Variants in JAG2 observed in about 807,000 individuals in gnomAD.
JAG2 encodes protein jagged-2.
JAG2 carries 46 observed loss-of-function variants against 141.7 expected under a neutral mutation model. The ratio of observed to expected loss-of-function variants is 0.32; its 90% CI spans 0.26 to 0.42. The LOEUF (loss-of-function observed/expected upper bound fraction) is 0.42. JAG2 is among the 10% of genes least tolerant of loss of function. The pLI is 1.00. For synonymous variants in JAG2, 862 were observed against 763.5 expected, an observed-to-expected ratio of 1.13 and a Z score of -2.13; for missense variants, 1,500 against 1,817.5, an observed-to-expected ratio of 0.83 and a Z score of 3.18.
At chr14:105,145,143 C>T (rs1461620507) in intron 23 of JAG2, 82 bp from the exon 24 acceptor site, 11 of 1,559,036 alleles carry the variant, frequency 7.1e-6, no homozygotes, top group African/African-American at 2.7e-5. Context: ...TGTGGGTACA[C>T]GTGGGACACA....
rs764978420 is a variant in JAG2 at position 105,147,366 on chromosome 14, G to A, written c.2439C>T (p.Cys813=). 8.2e-6 allele frequency: 13 copies of A among 1,586,752 alleles called. No individual in the cohort carries two copies. Among genetic ancestry groups the A allele is most frequent in the African/African-American group, 2.7e-5 (2 of 74,358 alleles). Reference sequence around the variant, plus strand: ...GCCCCGCGAAGCCAGGTGCACACTCGCAGCGGAACCAGTTGACGCCGTCAA... The same window carrying A: ...GCCCCGCGAAGCCAGGTGCACACTCACAGCGGAACCAGTTGACGCCGTCAA... ...ICVDGVNWFR[C]ECAPGFAGPD... Residue 813 remains cysteine, a synonymous_variant, in exon 20 of 26, where the codon TGC becomes TGT. Coordinates refer to ENST00000331782, the MANE Select transcript of JAG2 (RefSeq NM_002226.5).
chr14:105,151,213 C>CAGCCCCCGCAGCCCCA (rs1555370222), intron 9 of JAG2, 70 bp downstream of exon 9: 273 of 1,372,630 alleles, frequency 2.0e-4, no homozygotes, highest in Admixed American at 7.8e-4. Flanking sequence ...CAGCAGCCCC[C>CAGCCCCCGCAGCCCCA]GCAGCCCCAG....
chr14:105,153,516 G>A (rs1474231143), intron 5 of JAG2, among the ~76,000 whole-genome samples: 1 of 152,216 alleles, frequency 6.6e-6, no homozygotes, highest in African/African-American at 2.4e-5. Context: ...GGGCAGGGCA[G>A]CCCACACCAG....
At position 105,167,191 on chromosome 14, in the gene JAG2, G is replaced by A. The variant is rs888309111; in HGVS notation, c.417+566C>T. 2.6e-5 allele frequency among the ~76,000 whole-genome samples: 4 copies of A among 152,344 alleles called. No homozygotes were observed. The highest frequency in any genetic ancestry group is 1.3e-4 in the Admixed American group (2 of 15,310). On this transcript the variant is annotated intron_variant, in intron 2 of 25. Coordinates refer to ENST00000331782, the MANE Select transcript of JAG2 (RefSeq NM_002226.5). This position sits in a 1 kb window ranked among gnomAD's most constrained non-coding sequence, Gnocchi z 4.8. ...AGTGCCACAGAAGGTCACTGCACCA[G>A]GATCCACTATCTCTGTCTCTGAACG...
intron 5 of JAG2, 98 bp downstream of exon 5, chr14:105,155,464 G>T: frequency 7.1e-7 from 1 of 1,405,762 alleles, no homozygotes; most frequent in Non-Finnish European, 1.0e-6. Context: ...CCAACCTCCA[G>T]CCAGCTCCGG....
intron 24 of JAG2, 36 bp downstream of exon 24, chr14:105,144,894 G>C: frequency 6.3e-7 from 1 of 1,591,410 alleles, no homozygotes; most frequent in Non-Finnish European, 8.5e-7. Context: ...CGGGACCCAG[G>C]GCCCACCCAG....
In JAG2 at chr14:105,146,485, C is replaced by A. The variant is rs143711692; in HGVS notation, c.2609G>T (p.Arg870Ile). 5 of 1,612,622 alleles carry A rather than the reference C, an allele frequency of 3.1e-6. No homozygotes were observed. The highest frequency in any genetic ancestry group is 4.2e-6 in the Non-Finnish European group (5 of 1,179,886). ...PRCQEVIGFG[R>I]SCWSRGTPFP... Reference sequence around the variant, plus strand: ...CGGAGTGCCCCGGGACCAGCAGGATCTCCCGAACCCGATCACTGTGGGGAG... The same window carrying A: ...CGGAGTGCCCCGGGACCAGCAGGATATCCCGAACCCGATCACTGTGGGGAG... The change falls in exon 22 of 26, where the codon AGA becomes ATA. Residue 870 changes from arginine to isoleucine, a missense_variant. This residue lies in a region of JAG2 where 875 missense variants were observed against 1,202.2 expected (regional missense o/e 0.73). Transcript: ENST00000331782.
chr14:105,167,479 C>A lies in JAG2; in HGVS notation c.417+278G>T, dbSNP rs1033484156. ...CCCACCCAGACAGACACGCGCAGGG[C>A]GACGCAGGCACACGCCGCACACCGC... is the stretch of plus-strand genomic sequence containing the variant. On this transcript the variant is annotated intron_variant, in intron 2 of 25. Transcript: ENST00000331782. This position sits in a 1 kb window ranked among gnomAD's most constrained non-coding sequence, Gnocchi z 4.8. 3.3e-5 allele frequency among the ~76,000 whole-genome samples: 5 copies of A among 150,996 alleles called. No individual in the cohort carries two copies. Among genetic ancestry groups the A allele is most frequent in the African/African-American group, 1.2e-4 (5 of 41,268 alleles).
rs772011326 is a variant in JAG2, at chr14:105,150,699, C to A, written c.1507G>T (p.Ala503Ser). ...RHCELERDECASSPCHSGGLC... is the reference protein window; with the variant it reads ...RHCELERDECSSSPCHSGGLC... ...CCGCCGCTGTGGCAGGGGCTGCTGG[C>A]ACACTCGTCTCGTTCCAGCTCGCAA... The change falls in exon 12 of 26, where the codon GCC becomes TCC. Residue 503 changes from alanine to serine, a missense_variant. This residue lies in a region of JAG2 where 875 missense variants were observed against 1,202.2 expected (regional missense o/e 0.73). Transcript: ENST00000331782. 6.4e-7 allele frequency: 1 copy of A among 1,557,322 alleles called. No homozygotes were observed. Among genetic ancestry groups the A allele is most frequent in the Non-Finnish European group, 8.7e-7 (1 of 1,150,948 alleles).
Position 105,159,812 on chromosome 14 carries a change from C to T in JAG2, c.418-2049G>A, listed in dbSNP as rs141569398. ...CCCCAACATGCTCCGTCCACACCCC[C>T]CCCCAGAGCTCTGTCCACACCCCCC... On this transcript the variant is annotated intron_variant, in intron 2 of 25. Transcript: ENST00000331782. Among the ~76,000 whole-genome samples, 79 of 41,738 alleles carry T rather than the reference C, an allele frequency of 1.9e-3. 1 individual carries two copies. The highest frequency in any genetic ancestry group is 3.4e-3 in the Admixed American group (15 of 4,384). 27.4% of individuals were successfully genotyped at this position (41,738 alleles called of 152,430 possible). A position where few individuals can be genotyped will look rare whatever the true frequency, so the allele number is the denominator to read the frequency against.
At position 105,155,719 on chromosome 14, in the gene JAG2, A is replaced by T; in HGVS notation, c.727+19T>A. ...CCGAGGCCCTCCCTGCCCTCCACGC[A>T]GCCCAGCGGCCCCCTCACCTTCCTT... On this transcript the variant is annotated intron_variant, in intron 4 of 25. Coordinates refer to ENST00000331782, the MANE Select transcript of JAG2 (RefSeq NM_002226.5). 6.2e-7 allele frequency: 1 copy of T among 1,612,588 alleles called. No individual in the cohort carries two copies. Among genetic ancestry groups the T allele is most frequent in the Non-Finnish European group, 8.5e-7 (1 of 1,179,810 alleles).
rs1050362870 is a variant in JAG2, at chr14:105,167,546, C to T, written c.417+211G>A. Among the ~76,000 whole-genome samples the T allele has an allele frequency of 6.8e-6, 1 of 146,530 alleles. No homozygotes were observed. The highest frequency in any genetic ancestry group is 1.5e-5 in the Non-Finnish European group (1 of 66,180). Reference sequence around the variant, plus strand: ...CGCCGCCCCGCCCCCGCCGCGACCCCGCTCCCGGTGGCCCCGGGGCCCCGG... The same window carrying T: ...CGCCGCCCCGCCCCCGCCGCGACCCTGCTCCCGGTGGCCCCGGGGCCCCGG... On this transcript the variant is annotated intron_variant, in intron 2 of 25. Coordinates refer to ENST00000331782, the MANE Select transcript of JAG2 (RefSeq NM_002226.5). The surrounding 1 kb of genome is among the most constrained non-coding windows in gnomAD (Gnocchi z 4.8).
intron 1 of JAG2, 78 bp from the exon 2 acceptor site, chr14:105,168,185 G>A: frequency 8.1e-7 from 1 of 1,241,080 alleles, no homozygotes. Context: ...TGGGGGAACA[G>A]GCCCCGCCGC....
chr14:105,157,816 G>T, intron 2 of JAG2, 53 bp from the exon 3 acceptor site: 1 of 1,482,740 alleles, frequency 6.7e-7, no homozygotes, highest in Non-Finnish European at 9.2e-7. Context: ...TGCCTGCCTC[G>T]TTCAGGGTGG....
intron 20 of JAG2, 182 bp from the exon 21 acceptor site, chr14:105,146,906 C>G (rs1463828538): frequency 1.5e-6 from 1 of 676,660 alleles, no homozygotes; most frequent in Admixed American, 2.1e-5. Flanking sequence ...CAGCCTGACC[C>G]TGGCCCAACA....
intron 2 of JAG2, among the ~76,000 whole-genome samples, chr14:105,164,549 G>A (rs1431080256): frequency 6.6e-6 from 1 of 152,200 alleles, no homozygotes; most frequent in Non-Finnish European, 1.5e-5. Flanking sequence ...CCCAAGCTCA[G>A]AAAAAACAGG....
Position 105,146,443 on chromosome 14 carries a change from G to A in JAG2, c.2651C>T (p.Ser884Phe), listed in dbSNP as rs1888226203. 2 of 1,612,764 alleles carry A rather than the reference G, an allele frequency of 1.2e-6. No individual in the cohort carries two copies. The highest frequency in any genetic ancestry group is 1.3e-5 in the African/African-American group (1 of 75,056). The part of the protein sequence containing the change: ...SRGTPFPHGS[S>F]WVEDCNSCRC... ...GCAGCTGTTGCAGTCTTCCACCCAG[G>A]AGCTTCCGTGTGGGAACGGAGTGCC... The change falls in exon 22 of 26, where the codon TCC becomes TTC. Residue 884 changes from serine to phenylalanine, a missense_variant. Physicochemically the swap from Ser to Phe is radical, Grantham distance 155. Transcript: ENST00000331782.
At chr14:105,146,025 TGCAGGCACACAGATGAGAACCCACAG>T (rs1888212749) in intron 22 of JAG2, 52 bp from the exon 23 acceptor site, 2 of 1,569,642 alleles carry the variant, frequency 1.3e-6, no homozygotes, top group Non-Finnish European at 1.7e-6. Context: ...GAGGGTCAGA[TGCAGGCACACAGATGAGAACCCACAG>T]GCAGGCACGG....
In JAG2 at chr14:105,143,472, CCG is replaced by C; in HGVS notation, c.3241+8_3241+9del. 2 of 1,545,952 alleles carry C rather than the reference CCG, an allele frequency of 1.3e-6. No individual in the cohort carries two copies. Among genetic ancestry groups the C allele is most frequent in the Non-Finnish European group, 1.7e-6 (2 of 1,147,802 alleles). ...TGGTGCCTTCCCAGGGGCCCACCTC[CCG>C]CGCTTACCTGTGGAAGAGCCGCCCG... On this transcript the variant is annotated splice_region_variant and intron_variant, in intron 25 of 25. Transcript: ENST00000331782.
Sources: allele counts gnomAD v4.1 joint callset (sites outside exome capture counted in the v4.1 genomes callset), GRCh38; gene constraint gnomAD v4.1.1; regional missense constraint gnomAD v4.1.1; non-coding constraint Gnocchi (gnomAD v3.1); transcripts MANE v1.5; gene names NCBI Gene and HGNC (gene_info 2026-07-23, HGNC 2026-07-21).